The following ZNF831 variants were observed in gnomAD, a reference collection of about 807,000 sequenced individuals.
ZNF831 encodes chromosome 20 open reading frame 174.
Under a neutral mutation model 95.8 loss-of-function variants are expected in ZNF831, and 59 were observed. That is an observed-to-expected ratio of 0.62 (90% CI 0.50 to 0.77). ZNF831 has a LOEUF of 0.77. Ranked by LOEUF, ZNF831 falls within the 30% of genes least tolerant of loss-of-function variation. The pLI is 0.00. For synonymous variants in ZNF831, 961 were observed against 925.5 expected, an observed-to-expected ratio of 1.04 and a Z score of -0.70; for missense variants, 2,205 against 2,164.0, an observed-to-expected ratio of 1.02 and a Z score of -0.38.
At chr20:59,243,784 T>C (rs533964381) in intron 4 of ZNF831, among the ~76,000 whole-genome samples, 12 of 152,236 alleles carry the variant, frequency 7.9e-5, no homozygotes, top group Non-Finnish European at 1.3e-4. Context: ...TAAGAAATGA[T>C]GAGGCAATTG....
At chr20:59,235,387 C>T (rs375875598) in intron 4 of ZNF831, among the ~76,000 whole-genome samples, 47 of 152,254 alleles carry the variant, frequency 3.1e-4, no homozygotes, top group African/African-American at 1.0e-3. Flanking sequence ...CTGCTGCATG[C>T]GTTTCCTTTC....
At chr20:59,238,615 G>T (rs369837109) in intron 4 of ZNF831, among the ~76,000 whole-genome samples, 1 of 152,210 alleles carries the variant, frequency 6.6e-6, no homozygotes, top group South Asian at 2.1e-4. Context: ...CATGGAAGAA[G>T]AAGGCTTAAC....
At chr20:59,252,909 C>T (rs1987968284) in intron 4 of ZNF831, 69 bp from the exon 5 acceptor site, 1 of 1,516,256 alleles carries the variant, frequency 6.6e-7, no homozygotes, top group Non-Finnish European at 8.9e-7. Flanking sequence ...CATGGACAAC[C>T]TCCCAGGAAA....
intron 4 of ZNF831, among the ~76,000 whole-genome samples, chr20:59,239,381 T>C (rs1987183515): frequency 6.6e-6 from 1 of 152,226 alleles, no homozygotes; most frequent in Non-Finnish European, 1.5e-5. Context: ...GTGTATTCTT[T>C]TGTGATTTGA....
At chr20:59,142,122 G>A (rs1174559905) in intron 1 of ZNF831, among the ~76,000 whole-genome samples, 1 of 152,138 alleles carries the variant, frequency 6.6e-6, no homozygotes, top group Non-Finnish European at 1.5e-5. Context: ...GGCTCCATAT[G>A]GACTAAGTGA....
At chr20:59,161,117 T>C (rs116493196), upstream of ZNF831, among the ~76,000 whole-genome samples, 1,226 of 152,302 alleles carry the variant, frequency 8.0e-3, 15 homozygotes, top group African/African-American at 0.028. Context: ...ATTGAATTGA[T>C]ATAACTCACA....
At position 59,256,678 on chromosome 20, in the gene ZNF831, T is replaced by TTG; in HGVS notation, c.*1935_*1936insTG. 6.6e-6 allele frequency: 1 copy of TTG among 152,220 alleles called. No homozygotes were observed. The highest frequency in any genetic ancestry group is 2.4e-5 in the African/African-American group (1 of 41,462). The allele number at this position is 152,220 out of a possible 1,614,324, so 9.4% of individuals were successfully genotyped here. A position where few individuals can be genotyped will look rare whatever the true frequency, so the allele number is the denominator to read the frequency against. ...CTCTCCTTAAAATGCATGGACTCAA[T>TTG]GGCTTGAAGATATTCCCCATGGGGA... is the stretch of plus-strand genomic sequence containing the variant. On this transcript the variant is annotated 3_prime_UTR_variant, in exon 6 of 6. Coordinates refer to ENST00000371030, the MANE Select transcript of ZNF831 (RefSeq NM_178457.3).
At chr20:59,140,560 A>G (rs898616833) in intron 1 of ZNF831, among the ~76,000 whole-genome samples, 14 of 152,294 alleles carry the variant, frequency 9.2e-5, no homozygotes, top group African/African-American at 2.4e-4. Flanking sequence ...AGTTGCAAAA[A>G]TAGTACAGAG....
exon 2 of ZNF831, chr20:59,146,327 C>T (rs954560685): frequency 3.9e-5 from 6 of 152,256 alleles, no homozygotes; most frequent in Non-Finnish European, 8.8e-5. Context: ...CACCGGTTTT[C>T]GGGAGAGAGC....
intron 1 of ZNF831, among the ~76,000 whole-genome samples, chr20:59,165,483 A>G (rs1038292508): frequency 2.0e-5 from 3 of 152,158 alleles, no homozygotes. Flanking sequence ...AGTTTAAGTG[A>G]CTTATTCCAG....
intron 4 of ZNF831, among the ~76,000 whole-genome samples, chr20:59,247,472 A>G (rs1987672613): frequency 1.3e-5 from 2 of 152,230 alleles, no homozygotes; most frequent in African/African-American, 4.8e-5. Flanking sequence ...CTTGGTGCTC[A>G]GTAAATATTT....
chr20:59,152,335 G>C (rs1980294761), intron 2 of ZNF831, among the ~76,000 whole-genome samples: 1 of 152,170 alleles, frequency 6.6e-6, no homozygotes, highest in Non-Finnish European at 1.5e-5. Context: ...CTTACAGGGG[G>C]TTGGGGGTTT....
chr20:59,254,065 C>T lies in ZNF831; in HGVS notation c.4356C>T (p.Ala1452=), dbSNP rs1433302549. 1.9e-6 allele frequency: 3 copies of T among 1,614,118 alleles called. No homozygotes were observed. The South Asian group carries it at 3.3e-5, about 18-fold the overall frequency. ...DLGLLETQLL[A]SQDSVSTDPK... ...GGTTGCTGGAGACTCAGCTGCTGGCCTCCCAGGATTCAGTCTCAACAGATC... is the reference window on the plus strand; with the variant it reads ...GGTTGCTGGAGACTCAGCTGCTGGCTTCCCAGGATTCAGTCTCAACAGATC... Residue 1452 remains alanine, a synonymous_variant, in exon 6 of 6, where the codon GCC becomes GCT. Transcript: ENST00000371030. This position sits in a 1 kb window ranked among gnomAD's most constrained non-coding sequence, Gnocchi z 4.5.
intron 1 of ZNF831, among the ~76,000 whole-genome samples, chr20:59,124,163 CCGTTTCTTTTCCCTCGGTT>C (rs1421459894): frequency 1.3e-5 from 2 of 152,110 alleles, no homozygotes; most frequent in Admixed American, 6.5e-5. Flanking sequence ...CTTCCTATGG[CCGTTTCTTTTCCCTCGGTT>C]CTGAACGGGA....
intron 1 of ZNF831, among the ~76,000 whole-genome samples, chr20:59,178,518 T>A (rs1601340098): frequency 6.6e-6 from 1 of 152,226 alleles, no homozygotes; most frequent in South Asian, 2.1e-4. Flanking sequence ...CCAGGTAGTA[T>A]ACAGGGCCCT....
chr20:59,131,493 T>A (rs1360953693), intron 1 of ZNF831, among the ~76,000 whole-genome samples: 1 of 152,370 alleles, frequency 6.6e-6, no homozygotes, highest in Non-Finnish European at 1.5e-5. Context: ...TACTGATACA[T>A]GCCAGTGTGT....
At chr20:59,206,864 C>G in intron 3 of ZNF831, 41 bp from the exon 4 acceptor site, 1 of 1,600,008 alleles carries the variant, frequency 6.2e-7, no homozygotes, top group South Asian at 1.1e-5. Context: ...GGCATGTGCT[C>G]TCCAGGCTGG....
chr20:59,171,030 C>T (rs972352066), intron 1 of ZNF831, among the ~76,000 whole-genome samples: 1 of 152,172 alleles, frequency 6.6e-6, no homozygotes, highest in African/African-American at 2.4e-5. Flanking sequence ...TCCATGTGAA[C>T]CCCCCAGCCA....
rs1160729445 is a variant in ZNF831 at position 59,256,944 on chromosome 20, G to T, written c.*2201G>T. 2.0e-5 allele frequency: 3 copies of T among 152,232 alleles called. No individual in the cohort carries two copies. Among genetic ancestry groups the T allele is most frequent in the African/African-American group, 7.2e-5 (3 of 41,462 alleles). 9.4% of individuals were successfully genotyped at this position (152,232 alleles called of 1,614,324 possible). A position where few individuals can be genotyped will look rare whatever the true frequency, so the allele number is the denominator to read the frequency against. On this transcript the variant is annotated 3_prime_UTR_variant, in exon 6 of 6. Transcript: ENST00000371030. The stretch of plus-strand genomic sequence containing the variant: ...CAGTAGGAATGGAGAAAACCTATCT[G>T]TAGGCTGAACTGGCTCCTTTGTCTT...
Sources: gnomAD v4.1 joint callset for allele counts (sites outside exome capture counted in the v4.1 genomes callset) on GRCh38, gnomAD v4.1.1 for gene constraint, Gnocchi (gnomAD v3.1) non-coding constraint, MANE v1.5 for transcripts, NCBI Gene and HGNC (gene_info 2026-07-23, HGNC 2026-07-21) for gene names.